CTNNA2: variants seen among roughly 807,000 people sequenced by gnomAD.
The protein encoded by CTNNA2 is catenin alpha 2.
A neutral mutation model predicts 101.0 loss-of-function variants in CTNNA2; 42 were observed. That is an observed-to-expected ratio of 0.42 (90% CI 0.32 to 0.54). CTNNA2 has a LOEUF of 0.54. CTNNA2 is among the 20% of genes least tolerant of loss of function. The probability of loss-of-function intolerance (pLI) is 0.14; values close to 1 mark genes in which losing one functional copy is unlikely to be tolerated. For synonymous variants in CTNNA2, 450 were observed against 456.4 expected (o/e 0.99, Z 0.18); for missense variants, 871 against 1,223.1 (o/e 0.71, Z 4.29).
chr2:80,521,393 C>G (rs147018714), intron 9 of CTNNA2, among the ~76,000 whole-genome samples: 90 of 152,326 alleles, frequency 5.9e-4, no homozygotes, highest in East Asian at 5.0e-3. Context: ...CTGATCCCCC[C>G]ACAGTTGCTC....
intron 3 of CTNNA2, among the ~76,000 whole-genome samples, chr2:79,806,504 C>A (rs371836934): frequency 1.3e-5 from 2 of 152,034 alleles, no homozygotes; most frequent in African/African-American, 2.4e-5. Context: ...GTGACTGGGA[C>A]CCTTCCAACT....
intron 15 of CTNNA2, chr2:80,601,789 T>G (rs2149769491): frequency 6.6e-6 from 1 of 152,218 alleles, no homozygotes; most frequent in Admixed American, 6.6e-5. Context: ...GTAATTTTAT[T>G]AGTTTTTTTC....
chr2:79,397,871 G>A (rs1678249918), intron 4 of CTNNA2, among the ~76,000 whole-genome samples: 1 of 151,940 alleles, frequency 6.6e-6, no homozygotes, highest in African/African-American at 2.4e-5. Flanking sequence ...ACGTTTCCCA[G>A]ACTTCATGTA....
chr2:79,939,285 T>C (rs189683705), intron 7 of CTNNA2, among the ~76,000 whole-genome samples: 3 of 152,346 alleles, frequency 2.0e-5, no homozygotes, highest in Admixed American at 2.0e-4. Flanking sequence ...TGACTCCAAA[T>C]TGAGACTTGT....
chr2:79,468,913 C>G (rs1390516557), intron 4 of CTNNA2, among the ~76,000 whole-genome samples: 1 of 152,062 alleles, frequency 6.6e-6, no homozygotes, highest in Non-Finnish European at 1.5e-5. Flanking sequence ...ACTAAATACC[C>G]ACAAGAGAAA....
intron 18 of CTNNA2, among the ~76,000 whole-genome samples, chr2:80,628,839 G>A (rs567249845): frequency 6.6e-6 from 1 of 152,120 alleles, no homozygotes; most frequent in East Asian, 2.0e-4. Context: ...ATCATATGAG[G>A]AATCTGAAAA....
Position 79,818,821 on chromosome 2 carries a change from T to TTTTATATATATA in CTNNA2, c.299-39191_299-39190insTTATATATATAT, listed in dbSNP as rs1553373413. Reference sequence around the variant, plus strand: ...ATATACTTCAGGATCCAAAATGCAATTATATATATATATATATATATATAT... The same window carrying TTTTATATATATA: ...ATATACTTCAGGATCCAAAATGCAATTTTATATATATATATATATATATATATATATATATAT... On this transcript the variant is annotated intron_variant, in intron 3 of 18. Coordinates refer to ENST00000402739, the MANE Select transcript of CTNNA2 (RefSeq NM_001282597.3). Among the ~76,000 whole-genome samples, 212 of 74,208 alleles carry TTTTATATATATA rather than the reference T, an allele frequency of 2.9e-3. 22 individuals carry two copies. Among genetic ancestry groups the TTTTATATATATA allele is most frequent in the South Asian group, 0.018 (34 of 1,862 alleles). 48.7% of individuals were successfully genotyped at this position (74,208 alleles called of 152,430 possible).
chr2:80,217,789 G>T, intron 7 of CTNNA2, among the ~76,000 whole-genome samples: 1 of 152,182 alleles, frequency 6.6e-6, no homozygotes, highest in Non-Finnish European at 1.5e-5. Context: ...CACTGTGGTT[G>T]AAATGGGGAG....
intron 3 of CTNNA2, among the ~76,000 whole-genome samples, chr2:79,761,006 A>T (rs1672752163): frequency 2.0e-5 from 3 of 152,224 alleles, no homozygotes; most frequent in Admixed American, 1.3e-4. Context: ...GTATTTGCCA[A>T]ATATTAATGC....
intron 2 of CTNNA2, among the ~76,000 whole-genome samples, chr2:79,723,864 G>T (rs982057626): frequency 6.6e-6 from 1 of 152,162 alleles, no homozygotes; most frequent in Non-Finnish European, 1.5e-5. Context: ...AGGGAATGAG[G>T]CCTGAAGGCC....
At chr2:79,311,769 C>T (rs1676380199) in intron 2 of CTNNA2, among the ~76,000 whole-genome samples, 1 of 152,136 alleles carries the variant, frequency 6.6e-6, no homozygotes. Context: ...CAAAGCTGAT[C>T]TATTGGTTGC....
At chr2:80,601,417 C>CTTTTATTTTT (rs375645223) in intron 15 of CTNNA2, among the ~76,000 whole-genome samples, 1 of 94,198 alleles carries the variant, frequency 1.1e-5, no homozygotes. Flanking sequence ...TTCTTTCTTT[C>CTTTTATTTTT]TTTCTTTTTT....
intron 3 of CTNNA2, among the ~76,000 whole-genome samples, chr2:79,335,189 C>CT (rs1676967138): frequency 6.6e-6 from 1 of 152,142 alleles, no homozygotes; most frequent in Non-Finnish European, 1.5e-5. Context: ...TTTCCCTGGC[C>CT]TTTTTTCTTC....
intron 7 of CTNNA2, among the ~76,000 whole-genome samples, chr2:80,279,640 A>G (rs548945678): frequency 1.3e-5 from 2 of 152,258 alleles, no homozygotes; most frequent in African/African-American, 2.4e-5. Context: ...AGAATGAAAT[A>G]CTGACCACAA....
chr2:79,274,348 C>T (rs975981305), intron 2 of CTNNA2, among the ~76,000 whole-genome samples: 7 of 151,988 alleles, frequency 4.6e-5, no homozygotes, highest in Admixed American at 4.6e-4. Context: ...CCAGTGGGGA[C>T]TTTTAGTCTG....
intron 3 of CTNNA2, among the ~76,000 whole-genome samples, chr2:79,777,742 A>C (rs949545315): frequency 9.2e-5 from 14 of 152,184 alleles, no homozygotes; most frequent in African/African-American, 3.4e-4. Flanking sequence ...CTCCATTTAG[A>C]GGAAAAATAT....
chr2:79,719,836 A>G (rs1005900346), intron 2 of CTNNA2, among the ~76,000 whole-genome samples: 2 of 151,862 alleles, frequency 1.3e-5, no homozygotes, highest in Non-Finnish European at 2.9e-5. Context: ...CTCCCATTCT[A>G]TTAGCTGCCT....
intron 3 of CTNNA2, among the ~76,000 whole-genome samples, chr2:79,792,010 A>G (rs1226698820): frequency 6.6e-6 from 1 of 152,254 alleles, no homozygotes. Context: ...AAATTAAATA[A>G]TATGACATTT....
intron 3 of CTNNA2, among the ~76,000 whole-genome samples, chr2:79,811,600 C>T (rs1332292105): frequency 6.6e-6 from 1 of 152,102 alleles, no homozygotes; most frequent in African/African-American, 2.4e-5. Flanking sequence ...CATACCTTTG[C>T]CAATACCACA....
Sources: gnomAD v4.1 joint callset for allele counts (sites outside exome capture counted in the v4.1 genomes callset) on GRCh38, gnomAD v4.1.1 for gene constraint, MANE v1.5 for transcripts, NCBI Gene and HGNC (gene_info 2026-07-23, HGNC 2026-07-21) for gene names.